ASTN2: variants seen among roughly 807,000 people sequenced by gnomAD.
ASTN2 encodes the protein astrotactin-2.
In ASTN2, 54 loss-of-function variants were observed where a neutral mutation model predicts 139.8. The ratio of observed to expected loss-of-function variants is 0.39; its 90% CI spans 0.31 to 0.48. The LOEUF (loss-of-function observed/expected upper bound fraction) is 0.48, where lower values mean the gene tolerates loss of function less well. Ranked by LOEUF, ASTN2 falls within the 20% of genes least tolerant of loss-of-function variation. ASTN2 has a pLI of 0.95. For synonymous variants in ASTN2, 756 were observed against 719.5 expected (o/e 1.05, Z -0.81); for missense variants, 1,565 against 1,725.1 (o/e 0.91, Z 1.64).
chr9:117,029,404 C>T (rs1333516240), intron 6 of ASTN2, among the ~76,000 whole-genome samples: 1 of 152,150 alleles, frequency 6.6e-6, no homozygotes, highest in Non-Finnish European at 1.5e-5. Flanking sequence ...AGATAAGTGT[C>T]AATGGCTCTA....
intron 1 of ASTN2, among the ~76,000 whole-genome samples, chr9:117,320,894 A>G (rs1176916646): frequency 6.6e-6 from 1 of 152,218 alleles, no homozygotes; most frequent in African/African-American, 2.4e-5. Flanking sequence ...GCACAGATCA[A>G]AGGAAGTCTT....
At chr9:116,503,260 C>T (rs984267760) in intron 19 of ASTN2, among the ~76,000 whole-genome samples, 1 of 151,830 alleles carries the variant, frequency 6.6e-6, no homozygotes, top group African/African-American at 2.4e-5. Context: ...CCTTGAGTGA[C>T]CAGGGAAGCT....
At chr9:117,216,562 A>G (rs1832325816) in intron 2 of ASTN2, among the ~76,000 whole-genome samples, 1 of 152,192 alleles carries the variant, frequency 6.6e-6, no homozygotes, top group Non-Finnish European at 1.5e-5. Flanking sequence ...GAATCTATTA[A>G]ATATATGTGT....
chr9:116,638,923 G>A lies in ASTN2; in HGVS notation c.3072+12605C>T, dbSNP rs561050470. On this transcript the variant is annotated intron_variant, in intron 17 of 22. Transcript: ENST00000313400. The stretch of plus-strand genomic sequence containing the variant: ...AGGGCATTAAGGTTATCTTTTGAGT[G>A]TTTATGTTTAAGAGATAAGGATTTT... 2.6e-5 allele frequency among the ~76,000 whole-genome samples: 4 copies of A among 152,292 alleles called. No individual in the cohort carries two copies. The South Asian group carries it at 8.3e-4, about 32-fold the overall frequency.
intron 16 of ASTN2, among the ~76,000 whole-genome samples, chr9:116,684,080 T>C (rs969579184): frequency 6.6e-6 from 1 of 152,156 alleles, no homozygotes; most frequent in Non-Finnish European, 1.5e-5. Flanking sequence ...AACCCCAAGT[T>C]ATTTTGGGAC....
chr9:116,627,796 T>C (rs1168439807), intron 17 of ASTN2, among the ~76,000 whole-genome samples: 1 of 152,208 alleles, frequency 6.6e-6, no homozygotes, highest in Admixed American at 6.5e-5. Flanking sequence ...AATTACGTGA[T>C]ATTTATTGAG....
At chr9:116,862,498 G>C (rs888977215) in intron 11 of ASTN2, among the ~76,000 whole-genome samples, 1 of 152,242 alleles carries the variant, frequency 6.6e-6, no homozygotes, top group African/African-American at 2.4e-5. Flanking sequence ...GAGGGAAAAG[G>C]CTTCATAAAG....
At chr9:116,687,692 G>C (rs1452506103) in intron 16 of ASTN2, among the ~76,000 whole-genome samples, 1 of 151,924 alleles carries the variant, frequency 6.6e-6, no homozygotes, top group Non-Finnish European at 1.5e-5. Context: ...GAGGAGGAAC[G>C]GGGTGTAGCA....
Position 116,699,018 on chromosome 9 carries a change from C to G in ASTN2, c.2806+26753G>C, listed in dbSNP as rs767176438. ...TGTGCTAAGCTTCCTTGGGGCAGAT[C>G]TACCCAACCTCACTCCTCTCTCAGT... On this transcript the variant is annotated intron_variant, in intron 16 of 22. Coordinates refer to ENST00000313400, the MANE Select transcript of ASTN2 (RefSeq NM_001365068.1). The surrounding 1 kb of genome is among the most constrained non-coding windows in gnomAD (Gnocchi z 4.2). 3 of 1,614,162 alleles carry G rather than the reference C, an allele frequency of 1.9e-6. No homozygotes were observed. The highest frequency in any genetic ancestry group is 2.5e-6 in the Non-Finnish European group (3 of 1,180,020).
intron 1 of ASTN2, among the ~76,000 whole-genome samples, chr9:117,331,589 T>A (rs1305492861): frequency 6.6e-6 from 1 of 152,194 alleles, no homozygotes; most frequent in South Asian, 2.1e-4. Flanking sequence ...CATACAGTGC[T>A]GGATAAAGAA....
intron 3 of ASTN2, among the ~76,000 whole-genome samples, chr9:117,193,316 A>C (rs987401325): frequency 6.6e-6 from 1 of 152,094 alleles, no homozygotes; most frequent in African/African-American, 2.4e-5. Context: ...GCAGTTTGGT[A>C]TAAGGATGTC....
intron 4 of ASTN2, among the ~76,000 whole-genome samples, chr9:117,135,855 G>A (rs146836710): frequency 1.7e-3 from 261 of 152,204 alleles, no homozygotes; most frequent in African/African-American, 5.7e-3. Flanking sequence ...ATCAGCACTC[G>A]GACCTAGAAA....
At chr9:116,903,575 C>T (rs1475576392) in intron 10 of ASTN2, among the ~76,000 whole-genome samples, 1 of 152,144 alleles carries the variant, frequency 6.6e-6, no homozygotes, top group East Asian at 1.9e-4. Context: ...ACTGACACTT[C>T]TATAGCAAAA....
At chr9:116,610,003 T>C (rs892891330) in intron 19 of ASTN2, among the ~76,000 whole-genome samples, 2 of 151,880 alleles carry the variant, frequency 1.3e-5, no homozygotes, top group African/African-American at 2.4e-5. Flanking sequence ...AATGGAATCA[T>C]AAAAACTATC....
rs563802354 is a variant in ASTN2, at chr9:117,335,838, G to A, written c.443-44325C>T. Among the ~76,000 whole-genome samples the A allele has an allele frequency of 2.2e-4, 33 of 152,196 alleles. No homozygotes were observed. In the South Asian group the frequency reaches 6.6e-3, roughly 31 times the overall value. ...GCACTTCAATGGTAGATTTAGGAAT[G>A]AAATCCATATCTATGTGTACCCAGA... On this transcript the variant is annotated intron_variant, in intron 1 of 22. Coordinates refer to ENST00000313400, the MANE Select transcript of ASTN2 (RefSeq NM_001365068.1).
intron 10 of ASTN2, among the ~76,000 whole-genome samples, chr9:116,958,561 C>A (rs901994439): frequency 1.3e-5 from 2 of 152,000 alleles, no homozygotes; most frequent in African/African-American, 4.8e-5. Context: ...TGCACTCCAG[C>A]CTGGGCGACA....
intron 5 of ASTN2, among the ~76,000 whole-genome samples, chr9:117,045,351 G>T (rs1433736623): frequency 6.7e-6 from 1 of 149,438 alleles, no homozygotes; most frequent in African/African-American, 2.5e-5. Flanking sequence ...TGAGGTCACA[G>T]TTCTCCCTGA....
intron 13 of ASTN2, among the ~76,000 whole-genome samples, chr9:116,755,826 G>A (rs760566126): frequency 2.0e-5 from 3 of 152,242 alleles, no homozygotes; most frequent in Admixed American, 1.3e-4. Flanking sequence ...GAATATCTGA[G>A]TACGGAAGAG....
At chr9:116,906,177 A>C (rs1183270446) in intron 10 of ASTN2, among the ~76,000 whole-genome samples, 2 of 152,236 alleles carry the variant, frequency 1.3e-5, no homozygotes, top group African/African-American at 2.4e-5. Context: ...GGAAGACAAG[A>C]AGCCCAAATT....
Sources: allele counts gnomAD v4.1 joint callset (sites outside exome capture counted in the v4.1 genomes callset), GRCh38; gene constraint gnomAD v4.1.1; non-coding constraint Gnocchi (gnomAD v3.1); transcripts MANE v1.5; gene names NCBI Gene and HGNC (gene_info 2026-07-23, HGNC 2026-07-21).